Variants in WWP2 observed in about 807,000 individuals in gnomAD.
WWP2 encodes the protein WW domain containing E3 ubiquitin protein ligase 2, also known as NEDD4-like E3 ubiquitin-protein ligase WWP2.
A neutral mutation model predicts 121.0 loss-of-function variants in WWP2; 57 were observed. The ratio of observed to expected loss-of-function variants is 0.47; its 90% confidence interval spans 0.38 to 0.59. The LOEUF (loss-of-function observed/expected upper bound fraction) is 0.59, where lower values mean the gene tolerates loss of function less well. Ranked by LOEUF, WWP2 falls within the 20% of genes least tolerant of loss-of-function variation. The probability of loss-of-function intolerance (pLI) is 0.00; values close to 1 mark genes in which losing one functional copy is unlikely to be tolerated. For missense variants in WWP2, 962 were observed against 1,158.9 expected, an observed-to-expected ratio of 0.83 and a Z score of 2.47; for synonymous variants, 449 against 441.3, an observed-to-expected ratio of 1.02 and a Z score of -0.22.
intron 9 of WWP2, chr16:69,909,693 G>T (rs1468475916): frequency 1.0e-6 from 1 of 985,150 alleles, no homozygotes; most frequent in Non-Finnish European, 1.2e-6. Flanking sequence ...GTTAAACATG[G>T]ACTTCTCAAA....
rs1207997948 is a variant in WWP2 at position 69,925,646 on chromosome 16, G to A, written c.1234+162G>A. On this transcript the variant is annotated intron_variant, in intron 11 of 23. Coordinates refer to ENST00000359154, the MANE Select transcript of WWP2 (RefSeq NM_001270454.2). This position sits in a 1 kb window ranked among gnomAD's most constrained non-coding sequence, Gnocchi z 4.0. ...ATGCCCCACCAGAGCAATTACAGGT[G>A]ATGGAGCTGGGCAGCTGGGAAAGTA... is the stretch of plus-strand genomic sequence containing the variant. 1.3e-5 allele frequency among the ~76,000 whole-genome samples: 2 copies of A among 152,188 alleles called. No homozygotes were observed. Among genetic ancestry groups the A allele is most frequent in the Admixed American group, 6.5e-5 (1 of 15,272 alleles).
intron 6 of WWP2, among the ~76,000 whole-genome samples, chr16:69,847,557 C>T (rs979978202): frequency 4.6e-5 from 7 of 150,694 alleles, no homozygotes; most frequent in East Asian, 2.0e-4. Context: ...TACAGGCATG[C>T]GCCACCATGC....
chr16:69,892,406 C>T (rs2058042860), intron 8 of WWP2, among the ~76,000 whole-genome samples: 1 of 150,460 alleles, frequency 6.6e-6, no homozygotes, highest in South Asian at 2.2e-4. Context: ...CATATGTTCT[C>T]ATTGAAACAA....
At chr16:69,892,416 A>G (rs2058042996) in intron 8 of WWP2, among the ~76,000 whole-genome samples, 1 of 152,110 alleles carries the variant, frequency 6.6e-6, no homozygotes, top group Non-Finnish European at 1.5e-5. Flanking sequence ...CATTGAAACA[A>G]TGATTCTCTT....
At chr16:69,795,294 A>ACG (rs55993175) in intron 2 of WWP2, among the ~76,000 whole-genome samples, 1 of 151,464 alleles carries the variant, frequency 6.6e-6, no homozygotes, top group East Asian at 1.9e-4. Flanking sequence ...ACACACACAC[A>ACG]TACACAGAGA....
At chr16:69,933,421 G>C (rs1381461325) in intron 16 of WWP2, among the ~76,000 whole-genome samples, 1 of 152,136 alleles carries the variant, frequency 6.6e-6, no homozygotes, top group Non-Finnish European at 1.5e-5. Context: ...TTGCATAGCT[G>C]GTGGGCATGA....
At chr16:69,931,346 G>C in intron 14 of WWP2, 119 bp downstream of exon 14, 1 of 1,472,688 alleles carries the variant, frequency 6.8e-7, no homozygotes, top group Non-Finnish European at 9.4e-7. Context: ...CAAGACACTT[G>C]TCTAACCCGG....
At chr16:69,828,438 C>T (rs56369384) in intron 4 of WWP2, among the ~76,000 whole-genome samples, 17,521 of 152,208 alleles carry the variant, frequency 0.12, 1,491 homozygotes, top group African/African-American at 0.24. Context: ...GCGATCTCAG[C>T]TCACCACAAC....
Position 69,931,493 on chromosome 16 carries a change from CT to C in WWP2, c.1522-4del, listed in dbSNP as rs368331143. The C allele has an allele frequency of 0.027, 26,663 of 990,738 alleles. 1 individual carries two copies. The highest frequency in any genetic ancestry group is 0.047 in the Admixed American group (1,875 of 40,264). The allele number at this position is 990,738 out of a possible 1,614,324, so 61.4% of individuals were successfully genotyped here. On this transcript the variant is annotated splice_polypyrimidine_tract_variant and intron_variant, in intron 14 of 23. Coordinates refer to ENST00000359154, the MANE Select transcript of WWP2 (RefSeq NM_001270454.2). ...TTGAGGCTCGATTTAAAGTTCTTTT[CT>C]TTTTTTTTTTTCAGTCAAATGCCCT...
At chr16:69,863,411 G>A (rs2057460984) in intron 6 of WWP2, among the ~76,000 whole-genome samples, 1 of 151,916 alleles carries the variant, frequency 6.6e-6, no homozygotes, top group South Asian at 2.1e-4. Context: ...AGGCCGAGGC[G>A]GGTGAAGTCC....
rs368202582 is a variant in WWP2, at chr16:69,776,779, G to C, written c.-15-10217G>C. Among the ~76,000 whole-genome samples, 13 of 151,466 alleles carry C rather than the reference G, an allele frequency of 8.6e-5. 1 individual carries two copies. In the South Asian group the frequency reaches 2.7e-3, roughly 32 times the overall value. The stretch of plus-strand genomic sequence containing the variant: ...GGAGGCGGAGGTTGTGGTGAGCCGA[G>C]ATTGTGCCATTGCACTCCAGCCTGG... On this transcript the variant is annotated intron_variant, in intron 1 of 23. Coordinates refer to ENST00000359154, the MANE Select transcript of WWP2 (RefSeq NM_001270454.2).
intron 4 of WWP2, among the ~76,000 whole-genome samples, chr16:69,839,496 C>T (rs534720047): frequency 2.0e-5 from 3 of 152,252 alleles, no homozygotes; most frequent in Non-Finnish European, 2.9e-5. Context: ...ACTGAATCTG[C>T]CTGGTATCCT....
In WWP2 at chr16:69,929,405, C is replaced by A. The variant is rs775026569; in HGVS notation, c.1235-43C>A. On this transcript the variant is annotated intron_variant, in intron 11 of 23. Transcript: ENST00000359154. ...ACCTCAGGGAAAGGACACCGGCTCTCCGTGTTTGAATCTGATGTTCTTTCT... is the reference window on the plus strand; with the variant it reads ...ACCTCAGGGAAAGGACACCGGCTCTACGTGTTTGAATCTGATGTTCTTTCT... The A allele has an allele frequency of 1.9e-6, 3 of 1,587,270 alleles. No homozygotes were observed. In the South Asian group the frequency reaches 3.3e-5, roughly 18 times the overall value.
chr16:69,811,727 C>G (rs2151831757), intron 4 of WWP2, among the ~76,000 whole-genome samples: 1 of 152,276 alleles, frequency 6.6e-6, no homozygotes, highest in East Asian at 1.9e-4. Context: ...GCAATCCAGT[C>G]TGGATGACAG....
At chr16:69,923,777 A>G (rs1489651924) in intron 10 of WWP2, among the ~76,000 whole-genome samples, 1 of 152,222 alleles carries the variant, frequency 6.6e-6, no homozygotes, top group East Asian at 1.9e-4. Flanking sequence ...CTCTGGCTCC[A>G]TGATGTAGAA....
intron 4 of WWP2, among the ~76,000 whole-genome samples, chr16:69,832,492 G>A (rs1211232182): frequency 3.9e-5 from 6 of 152,122 alleles, no homozygotes. Flanking sequence ...TATCTAGTCA[G>A]TTTTTACATG....
At chr16:69,899,547 T>C (rs1320529058) in intron 8 of WWP2, among the ~76,000 whole-genome samples, 2 of 151,962 alleles carry the variant, frequency 1.3e-5, no homozygotes, top group Non-Finnish European at 2.9e-5. Flanking sequence ...CTAGCCAAGA[T>C]GGTGAAACCC....
intron 10 of WWP2, among the ~76,000 whole-genome samples, chr16:69,921,087 G>A (rs536404729): frequency 3.5e-4 from 54 of 152,302 alleles, no homozygotes; most frequent in Admixed American, 1.2e-3. Flanking sequence ...GCTCGCTGGG[G>A]ATGTGGGAGG....
intron 1 of WWP2, among the ~76,000 whole-genome samples, 182 bp downstream of exon 1, chr16:69,762,573 G>A (rs916650853): frequency 2.0e-5 from 3 of 151,086 alleles, no homozygotes; most frequent in African/African-American, 4.8e-5. Context: ...CCCGGCTCCC[G>A]CCCGAGTGGG....
Sources: gnomAD v4.1 joint callset for allele counts (sites outside exome capture counted in the v4.1 genomes callset) on GRCh38, gnomAD v4.1.1 for gene constraint, Gnocchi (gnomAD v3.1) non-coding constraint, MANE v1.5 for transcripts, NCBI Gene and HGNC (gene_info 2026-07-23, HGNC 2026-07-21) for gene names.